Variants in KAT8 observed in about 807,000 individuals in gnomAD.
KAT8 encodes lysine acetyltransferase 8.
In KAT8, 40 loss-of-function variants were observed where a neutral mutation model predicts 62.9. The ratio of observed to expected loss-of-function variants is 0.64; its 90% CI spans 0.49 to 0.83. KAT8 has a LOEUF of 0.83. Ranked by LOEUF, KAT8 falls within the 40% of genes least tolerant of loss-of-function variation. The probability of loss-of-function intolerance (pLI) is 0.00; values close to 1 mark genes in which losing one functional copy is unlikely to be tolerated. For missense variants in KAT8, 387 were observed against 614.8 expected, an observed-to-expected ratio of 0.63 and a Z score of 3.92; for synonymous variants, 278 against 254.5, an observed-to-expected ratio of 1.09 and a Z score of -0.88.
intron 6 of KAT8, 60 bp from the exon 7 acceptor site, chr16:31,129,957 A>C: frequency 2.3e-5 from 36 of 1,554,070 alleles, no homozygotes; most frequent in Non-Finnish European, 3.0e-5. Context: ...GGCCGCTGGA[A>C]CCAGCTGGGT....
chr16:31,125,374 C>T (rs1447019527), intron 3 of KAT8, among the ~76,000 whole-genome samples: 1 of 151,914 alleles, frequency 6.6e-6, no homozygotes, highest in East Asian at 1.9e-4. Context: ...GAGTGCGAGG[C>T]TGGTTGATCA....
Position 31,127,194 on chromosome 16 carries a change from C to T in KAT8, c.522C>T (p.Thr174=), listed in dbSNP as rs2057538017. 1 of 1,614,240 alleles carries T rather than the reference C, an allele frequency of 6.2e-7. No homozygotes were observed. The highest frequency in any genetic ancestry group is 1.3e-5 in the African/African-American group (1 of 75,068). The change falls in exon 5 of 11, where the codon ACC becomes ACT. Residue 174 remains threonine (T), a synonymous_variant. Transcript: ENST00000219797. ...AALEKEHEAI[T]KVKYVDKIHI... Reference sequence around the variant, plus strand: ...CACTCCCACCCTGCCTGCAGATCACCAAGGTGAAGTATGTGGACAAGATCC... The same window carrying T: ...CACTCCCACCCTGCCTGCAGATCACTAAGGTGAAGTATGTGGACAAGATCC...
At position 31,117,668 on chromosome 16, in the gene KAT8, C is replaced by G. The variant is rs557980794; in HGVS notation, c.-14C>G. The G allele has an allele frequency of 1.0e-5, 14 of 1,386,006 alleles. No homozygotes were observed. Among genetic ancestry groups the G allele is most frequent in the Non-Finnish European group, 1.2e-5 (13 of 1,065,740 alleles). The allele number at this position is 1,386,006 out of a possible 1,614,324, so 85.9% of individuals were successfully genotyped here. A position where few individuals can be genotyped will look rare whatever the true frequency, so the allele number is the denominator to read the frequency against. On this transcript the variant is annotated 5_prime_UTR_variant, in exon 1 of 11. Coordinates refer to ENST00000219797, the MANE Select transcript of KAT8 (RefSeq NM_032188.3). ...TGCGTGGCGTCCGATTCTGGCGTCA[C>G]TTCCCTTCCCGCGATGGCGGCACAG... is the stretch of plus-strand genomic sequence containing the variant.
At chr16:31,125,186 T>C (rs137969785) in intron 3 of KAT8, among the ~76,000 whole-genome samples, 10 of 149,754 alleles carry the variant, frequency 6.7e-5, no homozygotes, top group African/African-American at 2.2e-4. Flanking sequence ...AGTGAGAGTC[T>C]ATCTCAGAAG....
chr16:31,130,122 C>G lies in KAT8; in HGVS notation c.877C>G (p.Arg293Gly), dbSNP rs780513776. The change falls in exon 7 of 11, where the codon CGG becomes GGG. Residue 293 changes from arginine to glycine, a missense_variant. Arg to Gly is a moderately radical substitution (Grantham distance 125). Transcript: ENST00000219797. ...CTTTTACATCCTGACTGAGGTGGAC[C>G]GGCAGGGGGCCCACATTGTTGGCTA... is the stretch of plus-strand genomic sequence containing the variant. ...FVFYILTEVD[R>G]QGAHIVGYFS... The G allele has an allele frequency of 7.0e-7, 1 of 1,433,624 alleles. No homozygotes were observed. Among genetic ancestry groups the G allele is most frequent in the Admixed American group, 1.9e-5 (1 of 51,288 alleles). 88.8% of individuals were successfully genotyped at this position (1,433,624 alleles called of 1,614,324 possible). A position where few individuals can be genotyped will look rare whatever the true frequency, so the allele number is the denominator to read the frequency against.
At chr16:31,124,623 C>T (rs2057520189) in intron 3 of KAT8, among the ~76,000 whole-genome samples, 1 of 150,738 alleles carries the variant, frequency 6.6e-6, no homozygotes, top group South Asian at 2.1e-4. Flanking sequence ...ATCCCAGCTA[C>T]TTGGGAGGCT....
At chr16:31,126,876 T>C in intron 3 of KAT8, 159 bp from the exon 4 acceptor site, 1 of 736,668 alleles carries the variant, frequency 1.4e-6, no homozygotes. Flanking sequence ...ACCAGCCAGC[T>C]TCAGAACCAA....
chr16:31,126,997 T>C (rs754352447), intron 3 of KAT8, 38 bp from the exon 4 acceptor site: 1 of 1,612,902 alleles, frequency 6.2e-7, no homozygotes, highest in Admixed American at 1.7e-5. Context: ...TGGTCACCAC[T>C]TCTGTTCACC....
chr16:31,123,312 A>T (rs938777733), intron 3 of KAT8, among the ~76,000 whole-genome samples: 6 of 151,180 alleles, frequency 4.0e-5, no homozygotes, highest in Admixed American at 4.0e-4. Flanking sequence ...CGCCTCCCAG[A>T]TTCAAGTGAG....
chr16:31,130,046 C>T lies in KAT8; in HGVS notation c.801C>T (p.Ala267=), dbSNP rs550093917. Residue 267 remains alanine (A), a synonymous_variant, in exon 7 of 11, where the codon GCC becomes GCT. Coordinates refer to ENST00000219797, the MANE Select transcript of KAT8 (RefSeq NM_032188.3). ...KIYCQNLCLL[A]KLFLDHKTLY... is the part of the protein sequence containing the mutation. ...ACTGTCAGAACCTGTGTCTGCTGGCCAAGCTTTTCCTGGACCATAAGACAC... is the reference window on the plus strand; with the variant it reads ...ACTGTCAGAACCTGTGTCTGCTGGCTAAGCTTTTCCTGGACCATAAGACAC... The T allele has an allele frequency of 1.2e-6, 2 of 1,614,198 alleles. No homozygotes were observed. Among genetic ancestry groups the T allele is most frequent in the Admixed American group, 1.7e-5 (1 of 60,008 alleles).
At position 31,130,299 on chromosome 16, in the gene KAT8, C is replaced by T. The variant is rs1296822504; in HGVS notation, c.945C>T (p.Ala315=). 2 of 1,614,212 alleles carry T rather than the reference C, an allele frequency of 1.2e-6. No homozygotes were observed. Among genetic ancestry groups the T allele is most frequent in the Non-Finnish European group, 8.5e-7 (1 of 1,180,036 alleles). ...AGTCCCCGGATGGAAACAATGTGGCCTGCATCCTGACCTTGCCCCCCTACC... is the reference window on the plus strand; with the variant it reads ...AGTCCCCGGATGGAAACAATGTGGCTTGCATCCTGACCTTGCCCCCCTACC... The part of the protein sequence containing the change: ...EKESPDGNNV[A]CILTLPPYQR... The change falls in exon 8 of 11, where the codon GCC becomes GCT. Residue 315 remains alanine (A), a synonymous_variant. Transcript: ENST00000219797.
chr16:31,123,451 C>T (rs1031356294), intron 3 of KAT8, among the ~76,000 whole-genome samples: 1 of 151,998 alleles, frequency 6.6e-6, no homozygotes, highest in Non-Finnish European at 1.5e-5. Context: ...TCAACTGATC[C>T]GCCTGCCTCG....
intron 3 of KAT8, among the ~76,000 whole-genome samples, chr16:31,121,700 C>G (rs1053247569): frequency 3.3e-5 from 5 of 152,044 alleles, no homozygotes; most frequent in African/African-American, 1.2e-4. Context: ...GAGTGCATCC[C>G]TGTACCTGCC....
intron 3 of KAT8, 157 bp downstream of exon 3, chr16:31,120,671 C>T (rs2057486347): frequency 1.5e-6 from 1 of 676,670 alleles, no homozygotes; most frequent in Non-Finnish European, 2.4e-6. Context: ...ACTTACTTTT[C>T]ATAGGTAAGA....
chr16:31,120,251 T>C lies in KAT8; in HGVS notation c.277T>C (p.Tyr93His). 6.2e-7 allele frequency: 1 copy of C among 1,614,166 alleles called. No homozygotes were observed. Among genetic ancestry groups the C allele is most frequent in the Non-Finnish European group, 8.5e-7 (1 of 1,179,998 alleles). The change falls in exon 2 of 11, where the codon TAC becomes CAC. Residue 93 changes from tyrosine to histidine, a missense_variant. Physicochemically the swap from Tyr to His is moderately conservative, Grantham distance 83. Transcript: ENST00000219797. ...GGGCCGAGAGGAATTCTATGTACACTACGTGGGCTGTGAGTGGCTTGGCAC... is the reference window on the plus strand; with the variant it reads ...GGGCCGAGAGGAATTCTATGTACACCACGTGGGCTGTGAGTGGCTTGGCAC... ...QEGREEFYVH[Y>H]VGFNRRLDEW...
rs1263433991 is a variant in KAT8 at position 31,127,357 on chromosome 16, A to AGGCTGGGCC, written c.681+8_681+16dup. On this transcript the variant is annotated splice_donor_region_variant and intron_variant, in intron 5 of 10. Transcript: ENST00000219797. ...GAAGAGCTACCGCTTCCACTTGGTGAGGCTGGGCCGGCCGGGCCGAGCTGG... is the reference window on the plus strand; with the variant it reads ...GAAGAGCTACCGCTTCCACTTGGTGAGGCTGGGCCGGCTGGGCCGGCCGGGCCGAGCTGG... 1 of 1,613,726 alleles carries AGGCTGGGCC rather than the reference A, an allele frequency of 6.2e-7. No individual in the cohort carries two copies. The highest frequency in any genetic ancestry group is 1.7e-5 in the Admixed American group (1 of 59,992).
intron 10 of KAT8, 47 bp downstream of exon 10, chr16:31,130,947 T>C (rs978586646): frequency 1.9e-6 from 3 of 1,587,866 alleles, no homozygotes; most frequent in South Asian, 1.1e-5. Context: ...GGAGTGTCAG[T>C]ATATGGACTG....
chr16:31,131,060 A>G (rs2855479), intron 10 of KAT8, 135 bp from the exon 11 acceptor site: 1,497,897 of 1,503,164 alleles, frequency 1, 746,472 homozygotes, highest in East Asian at 1. Context: ...GGGCTTCCCT[A>G]CCCCTCCCCA....
intron 10 of KAT8, 141 bp downstream of exon 10, chr16:31,131,041 C>T (rs1168081224): frequency 2.0e-6 from 3 of 1,504,132 alleles, no homozygotes; most frequent in Non-Finnish European, 2.7e-6. Flanking sequence ...GGGCAGGCCT[C>T]TCATTCCTGG....
Sources: gnomAD v4.1 joint callset for allele counts (sites outside exome capture counted in the v4.1 genomes callset) on GRCh38, gnomAD v4.1.1 for gene constraint, MANE v1.5 for transcripts, NCBI Gene and HGNC (gene_info 2026-07-23, HGNC 2026-07-21) for gene names.